The following DMTN variants were observed in gnomAD, a reference collection of about 807,000 sequenced individuals.
DMTN encodes dematin actin binding protein, also known as dematin.
A neutral mutation model predicts 59.4 loss-of-function variants in DMTN; 27 were observed. The observed-to-expected ratio is 0.45, with a 90% confidence interval of 0.33 to 0.63. The LOEUF is 0.63. Among genes scored for constraint, DMTN ranks in the 20% least tolerant of loss-of-function variants. The pLI is 0.02. For missense variants in DMTN, 451 were observed against 528.9 expected (o/e 0.85, Z 1.45); for synonymous variants, 221 against 203.7 (o/e 1.08, Z -0.72).
At chr8:22,054,981 C>T (rs1801918594), upstream of DMTN, 1 of 152,876 alleles carries the variant, frequency 6.5e-6, no homozygotes, top group African/African-American at 2.4e-5. Context: ...CTGCTGCGCT[C>T]CTGCCCCACG....
At chr8:22,071,806 T>C (rs1275146397) in intron 8 of DMTN, among the ~76,000 whole-genome samples, 2 of 152,126 alleles carry the variant, frequency 1.3e-5, no homozygotes. Flanking sequence ...TGTCTCGATC[T>C]CCTGACCTCG....
chr8:22,066,905 C>T lies in DMTN; in HGVS notation c.18+12C>T, dbSNP rs1358063917. On this transcript the variant is annotated intron_variant, in intron 2 of 15. Coordinates refer to ENST00000358242, the MANE Select transcript of DMTN (RefSeq NM_001387751.1). ...AACGGCTGCAGAAGGTGCGCGGCGC[C>T]GCCCCGGGCCGGGGCCGCCGAGGGC... is the stretch of plus-strand genomic sequence containing the variant. The T allele has an allele frequency of 2.5e-5, 32 of 1,258,496 alleles. 1 individual carries two copies. The Admixed American group carries it at 2.9e-4, about 11-fold the overall frequency. 78.0% of individuals were successfully genotyped at this position (1,258,496 alleles called of 1,614,324 possible). A position where few individuals can be genotyped will look rare whatever the true frequency, so the allele number is the denominator to read the frequency against.
At chr8:22,053,351 A>G (rs992465336), upstream of DMTN, among the ~76,000 whole-genome samples, 2 of 152,212 alleles carry the variant, frequency 1.3e-5, no homozygotes, top group Middle Eastern at 3.2e-3. Flanking sequence ...GCCCGGAGGC[A>G]GGGGCACATG....
intron 4 of DMTN, 149 bp downstream of exon 4, chr8:22,067,831 C>A (rs955271433): frequency 1.1e-6 from 1 of 945,182 alleles, no homozygotes; most frequent in Non-Finnish European, 1.5e-6. Context: ...CCAGTCAGTC[C>A]ATCCGGTGTT....
At chr8:22,080,561 C>T (rs574771459) in intron 12 of DMTN, 57 bp from the exon 13 acceptor site, 14 of 1,613,298 alleles carry the variant, frequency 8.7e-6, no homozygotes, top group South Asian at 3.3e-5. Context: ...TGAGGTCAGG[C>T]GTGTTGGCCT....
At chr8:22,049,569 ACC>A (rs56893612), upstream of DMTN, among the ~76,000 whole-genome samples, 52,840 of 125,776 alleles carry the variant, frequency 0.42, 11,708 homozygotes, top group Middle Eastern at 0.56. Context: ...CGCAGGGACA[ACC>A]CCCCCCCCCC....
At chr8:22,055,741 G>T (rs569055660), upstream of DMTN, among the ~76,000 whole-genome samples, 6 of 151,944 alleles carry the variant, frequency 3.9e-5, no homozygotes, top group Non-Finnish European at 8.8e-5. Flanking sequence ...TCTCTCTGGA[G>T]CCCATCCCTC....
chr8:22,079,303 A>ATATATATATAG (rs67715172), intron 10 of DMTN, among the ~76,000 whole-genome samples: 5,993 of 51,584 alleles, frequency 0.12, 1,253 homozygotes, highest in South Asian at 0.25. Context: ...TATATATATT[A>ATATATATATAG]GCTGGGTTTG....
chr8:22,065,076 G>A (rs531227880), intron 1 of DMTN, among the ~76,000 whole-genome samples: 1 of 152,148 alleles, frequency 6.6e-6, no homozygotes, highest in Non-Finnish European at 1.5e-5. Context: ...TGCCACCCAC[G>A]CTGGAATACA....
intron 12 of DMTN, 31 bp from the exon 13 acceptor site, chr8:22,080,587 G>A (rs755187804): frequency 1.9e-6 from 3 of 1,611,596 alleles, no homozygotes; most frequent in East Asian, 2.2e-5. Context: ...CCTCAGAGCT[G>A]CATCTGACCC....
upstream of DMTN, among the ~76,000 whole-genome samples, chr8:22,054,045 A>C (rs1268388962): frequency 6.6e-6 from 1 of 152,162 alleles, no homozygotes; most frequent in East Asian, 1.9e-4. Flanking sequence ...AGGTAGGGTC[A>C]GAGGATGGCA....
intron 1 of DMTN, among the ~76,000 whole-genome samples, chr8:22,061,583 C>T (rs902216733): frequency 2.0e-5 from 3 of 152,072 alleles, no homozygotes; most frequent in Non-Finnish European, 4.4e-5. Context: ...CCCCTCCCCC[C>T]GGTGGTGTTT....
chr8:22,081,264 G>C (rs1824108361), intron 15 of DMTN, 71 bp downstream of exon 15: 16 of 1,604,932 alleles, frequency 1.0e-5, no homozygotes, highest in Non-Finnish European at 1.4e-5. Context: ...GGGAAGATCT[G>C]GGGCCTCTAT....
At chr8:22,054,626 A>G (rs1801829079), upstream of DMTN, among the ~76,000 whole-genome samples, 1 of 152,148 alleles carries the variant, frequency 6.6e-6, no homozygotes, top group Non-Finnish European at 1.5e-5. Flanking sequence ...ATACTCTTCA[A>G]GACTGGCCTG....
At chr8:22,079,621 CG>C (rs1822792986) in intron 10 of DMTN, among the ~76,000 whole-genome samples, 1 of 151,608 alleles carries the variant, frequency 6.6e-6, no homozygotes, top group East Asian at 2.0e-4. Context: ...AATTTTTGGC[CG>C]GGCACGGTGT....
upstream of DMTN, among the ~76,000 whole-genome samples, chr8:22,051,878 A>T (rs1234727832): frequency 6.6e-6 from 1 of 152,048 alleles, no homozygotes; most frequent in African/African-American, 2.4e-5. Flanking sequence ...TACCCACGCC[A>T]CACTATCCCG....
upstream of DMTN, chr8:22,053,451 G>A (rs143771976): frequency 6.0e-3 from 909 of 152,518 alleles, 6 homozygotes; most frequent in Non-Finnish European, 8.5e-3. Context: ...CTCCCTGAGT[G>A]TCCAGGTGCC....
At chr8:22,069,572 C>T in intron 6 of DMTN, 54 bp downstream of exon 6, 1 of 1,441,320 alleles carries the variant, frequency 6.9e-7, no homozygotes, top group Non-Finnish European at 9.5e-7. Flanking sequence ...CCATCAGGAA[C>T]CCCAATCCCC....
intron 1 of DMTN, among the ~76,000 whole-genome samples, chr8:22,062,488 C>T (rs908849029): frequency 1.3e-5 from 2 of 152,312 alleles, no homozygotes; most frequent in South Asian, 2.1e-4. Context: ...TCTTGCTCCA[C>T]CCACCTAGTG....
Sources: gnomAD v4.1 joint callset for allele counts (sites outside exome capture counted in the v4.1 genomes callset) on GRCh38, gnomAD v4.1.1 for gene constraint, MANE v1.5 for transcripts, NCBI Gene and HGNC (gene_info 2026-07-23, HGNC 2026-07-21) for gene names.